PRELID2: variants seen among roughly 807,000 people sequenced by gnomAD.
The protein encoded by PRELID2 is PRELI domain-containing protein 2.
In PRELID2, 25 loss-of-function variants were observed where a neutral mutation model predicts 28.4. The observed-to-expected ratio is 0.88, with a 90% CI of 0.64 to 1.23. The LOEUF (loss-of-function observed/expected upper bound fraction) is 1.23. Ranked by LOEUF, PRELID2 falls within the 50% of genes most tolerant of loss-of-function variation. The pLI is 0.00. For missense variants in PRELID2, 201 were observed against 214.4 expected (o/e 0.94, Z 0.39); for synonymous variants, 76 against 71.6 (o/e 1.06, Z -0.31).
At chr5:145,561,863 A>G (rs1457823051) in intron 1 of PRELID2, among the ~76,000 whole-genome samples, 1 of 152,252 alleles carries the variant, frequency 6.6e-6, no homozygotes, top group African/African-American at 2.4e-5. Flanking sequence ...AAAAAAAAGT[A>G]TAAGTCTCAG....
chr5:145,674,508 T>G (rs1015281370), intron 1 of PRELID2, among the ~76,000 whole-genome samples: 1 of 152,218 alleles, frequency 6.6e-6, no homozygotes, highest in African/African-American at 2.4e-5. Flanking sequence ...TAATTCAGAT[T>G]CAGCATCTGA....
intron 1 of PRELID2, among the ~76,000 whole-genome samples, chr5:145,483,793 T>A (rs116693581): frequency 0.013 from 1,921 of 152,338 alleles, 37 homozygotes; most frequent in African/African-American, 0.044. Context: ...GCTAAGATAA[T>A]TGTCTTAAAT....
At chr5:145,568,055 AT>A (rs1227177701) in intron 1 of PRELID2, among the ~76,000 whole-genome samples, 1 of 152,038 alleles carries the variant, frequency 6.6e-6, no homozygotes, top group South Asian at 2.1e-4. Flanking sequence ...CTCCTATTAT[AT>A]GGCAGAAAGG....
At chr5:145,760,907 A>G (rs560981313) in intron 6 of PRELID2, among the ~76,000 whole-genome samples, 1 of 152,332 alleles carries the variant, frequency 6.6e-6, no homozygotes, top group African/African-American at 2.4e-5. Context: ...TCAAAAATCT[A>G]TCAAAGGGAT....
the PRELID2 span, among the ~76,000 whole-genome samples, chr5:145,319,093 G>T: frequency 6.6e-6 from 1 of 152,074 alleles, no homozygotes; most frequent in Non-Finnish European, 1.5e-5. Context: ...GGAGGTTTGG[G>T]GTGTATATGG....
the PRELID2 span, among the ~76,000 whole-genome samples, chr5:145,308,314 C>T: frequency 3.9e-5 from 6 of 152,178 alleles, no homozygotes; most frequent in Non-Finnish European, 8.8e-5. Context: ...ATGTACTAAT[C>T]GACAAAGATT....
At position 145,722,896 on chromosome 5, in the gene PRELID2, A is replaced by G. The variant is rs560884404; in HGVS notation, n.70+42035T>C. On this transcript the variant is annotated intron_variant and non_coding_transcript_variant, in intron 1 of 2. Transcript: ENST00000510259. Reference sequence around the variant, plus strand: ...CCAACTTTTATAGAAAAAACATTGTATCAAGGCTATACCCCCCAAAAAGGT... The same window carrying G: ...CCAACTTTTATAGAAAAAACATTGTGTCAAGGCTATACCCCCCAAAAAGGT... Among the ~76,000 whole-genome samples, 8 of 152,306 alleles carry G rather than the reference A, an allele frequency of 5.3e-5. 1 individual carries two copies. Among genetic ancestry groups the G allele is most frequent in the African/African-American group, 1.9e-4 (8 of 41,572 alleles).
At chr5:145,803,980 G>A (rs1753326625) in intron 4 of PRELID2, among the ~76,000 whole-genome samples, 1 of 152,086 alleles carries the variant, frequency 6.6e-6, no homozygotes. Context: ...ACTCTGCACT[G>A]TGAAACCAAA....
chr5:145,622,921 T>C (rs1043521826), intron 1 of PRELID2, among the ~76,000 whole-genome samples: 1 of 151,996 alleles, frequency 6.6e-6, no homozygotes, highest in Non-Finnish European at 1.5e-5. Flanking sequence ...ATAAGACATA[T>C]AAAAATTTAT....
the PRELID2 span, among the ~76,000 whole-genome samples, chr5:145,418,885 C>G: frequency 6.8e-6 from 1 of 146,268 alleles, no homozygotes. Context: ...CCCCCTACCC[C>G]CACCCCACAA....
chr5:145,229,225 A>G, the PRELID2 span: 1 of 794,234 alleles, frequency 1.3e-6, no homozygotes, highest in South Asian at 1.3e-5. Context: ...CTGGCCCCCC[A>G]GATGAAGGTC....
At chr5:145,318,426 CAT>C in the PRELID2 span, among the ~76,000 whole-genome samples, 1 of 152,184 alleles carries the variant, frequency 6.6e-6, no homozygotes, top group Non-Finnish European at 1.5e-5. Context: ...TTTAAAGAAT[CAT>C]AAAATAACTC....
At chr5:145,457,161 G>A in the PRELID2 span, among the ~76,000 whole-genome samples, 3 of 152,124 alleles carry the variant, frequency 2.0e-5, no homozygotes, top group Non-Finnish European at 2.9e-5. Flanking sequence ...GAGTAACACA[G>A]TGTAATAAAA....
At chr5:145,508,331 T>G (rs60282548) in intron 1 of PRELID2, among the ~76,000 whole-genome samples, 51,683 of 151,812 alleles carry the variant, frequency 0.34, 9,913 homozygotes, top group East Asian at 0.89. Context: ...TAATCAATCT[T>G]TTTTCTCCAC....
the PRELID2 span, among the ~76,000 whole-genome samples, chr5:145,319,736 A>T: frequency 1.3e-5 from 2 of 151,942 alleles, no homozygotes; most frequent in Admixed American, 1.3e-4. Flanking sequence ...AATAATTTTT[A>T]AAAAGTAACT....
the PRELID2 span, among the ~76,000 whole-genome samples, chr5:145,240,041 G>C: frequency 6.6e-6 from 1 of 151,852 alleles, no homozygotes; most frequent in Admixed American, 6.6e-5. Flanking sequence ...TAAGTTCTTT[G>C]ACAACAAGGT....
the PRELID2 span, among the ~76,000 whole-genome samples, chr5:145,434,738 G>C: frequency 6.6e-6 from 1 of 152,278 alleles, no homozygotes; most frequent in Middle Eastern, 3.4e-3. Context: ...ATGCAGAAGT[G>C]GGGGGCACTG....
At chr5:145,426,839 G>C in the PRELID2 span, among the ~76,000 whole-genome samples, 1 of 152,130 alleles carries the variant, frequency 6.6e-6, no homozygotes, top group Non-Finnish European at 1.5e-5. Context: ...AAGAATAAGA[G>C]GGAAGAAAAT....
intron 1 of PRELID2, among the ~76,000 whole-genome samples, chr5:145,598,474 C>A (rs758000079): frequency 1.3e-5 from 2 of 151,900 alleles, no homozygotes; most frequent in Non-Finnish European, 2.9e-5. Flanking sequence ...GTTGCCATAA[C>A]AAAAAAATAG....
Sources: gnomAD v4.1 joint callset for allele counts (sites outside exome capture counted in the v4.1 genomes callset) on GRCh38, gnomAD v4.1.1 for gene constraint, MANE v1.5 for transcripts, NCBI Gene and HGNC (gene_info 2026-07-23, HGNC 2026-07-21) for gene names.